SV2C: variants seen among roughly 807,000 people sequenced by gnomAD.
SV2C encodes the protein synaptic vesicle glycoprotein 2C.
Under a neutral mutation model 79.7 loss-of-function variants are expected in SV2C, and 49 were observed. That is an observed-to-expected ratio of 0.61 (90% CI 0.49 to 0.78). The LOEUF is 0.78. Ranked by LOEUF, SV2C falls within the 30% of genes least tolerant of loss-of-function variation. The pLI is 0.00. For synonymous variants in SV2C, 334 were observed against 333.2 expected (o/e 1.00, Z -0.03); for missense variants, 833 against 912.9 (o/e 0.91, Z 1.13).
intron 12 of SV2C, among the ~76,000 whole-genome samples, chr5:76,348,227 C>T (rs1749578840): frequency 6.6e-6 from 1 of 152,078 alleles, no homozygotes; most frequent in Non-Finnish European, 1.5e-5. Context: ...TATAAGGTTC[C>T]TCCATGCATA....
the SV2C span, among the ~76,000 whole-genome samples, chr5:76,054,105 T>G: frequency 6.6e-6 from 1 of 151,918 alleles, no homozygotes; most frequent in Admixed American, 6.6e-5. Flanking sequence ...TTTTAAGCCC[T>G]GCATGTATTA....
chr5:75,908,633 C>T, the SV2C span, among the ~76,000 whole-genome samples: 1 of 152,156 alleles, frequency 6.6e-6, no homozygotes, highest in African/African-American at 2.4e-5. Context: ...TGGCTCAGGG[C>T]TGGTTTGTAA....
the SV2C span, among the ~76,000 whole-genome samples, chr5:75,861,974 G>C: frequency 6.6e-6 from 1 of 152,146 alleles, no homozygotes; most frequent in South Asian, 2.1e-4. Context: ...TAAAATGAAA[G>C]TTGAAGTTAA....
chr5:75,882,231 T>C, the SV2C span, among the ~76,000 whole-genome samples: 3 of 151,682 alleles, frequency 2.0e-5, no homozygotes, highest in Non-Finnish European at 4.4e-5. Context: ...TGCATCAATG[T>C]TCATCGAGGA....
chr5:76,046,897 G>A, the SV2C span, among the ~76,000 whole-genome samples: 2 of 152,152 alleles, frequency 1.3e-5, no homozygotes, highest in African/African-American at 2.4e-5. Context: ...CACCCATTAC[G>A]GAAATTGGGA....
the SV2C span, chr5:75,911,553 T>C: frequency 1.5e-6 from 1 of 664,240 alleles, no homozygotes; most frequent in South Asian, 1.7e-5. Flanking sequence ...CAAGTCCTAG[T>C]ACCTCCCTAG....
At chr5:76,035,326 C>A in the SV2C span, among the ~76,000 whole-genome samples, 766 of 151,538 alleles carry the variant, frequency 5.1e-3, 4 homozygotes, top group African/African-American at 0.017. Context: ...TTCTCTAGTT[C>A]TTTTAATTGT....
intron 2 of SV2C, among the ~76,000 whole-genome samples, chr5:76,171,963 C>G (rs1464937891): frequency 1.5e-4 from 20 of 129,246 alleles, no homozygotes; most frequent in African/African-American, 5.6e-4. Flanking sequence ...GCCTGGCCAG[C>G]CGCCCCGTCC....
chr5:76,304,808 C>T (rs1748129743), intron 12 of SV2C, among the ~76,000 whole-genome samples: 1 of 152,190 alleles, frequency 6.6e-6, no homozygotes, highest in Non-Finnish European at 1.5e-5. Flanking sequence ...GCCCTCATGA[C>T]CTAATCATCT....
chr5:76,295,206 G>C (rs1747704443), intron 8 of SV2C, among the ~76,000 whole-genome samples: 1 of 152,210 alleles, frequency 6.6e-6, no homozygotes, highest in Non-Finnish European at 1.5e-5. Flanking sequence ...GGCAGATTCA[G>C]TGTGCAGTAA....
chr5:76,319,658 G>A (rs948178047), intron 12 of SV2C, among the ~76,000 whole-genome samples: 1 of 152,112 alleles, frequency 6.6e-6, no homozygotes, highest in Admixed American at 6.5e-5. Flanking sequence ...TCAGATACCA[G>A]ATGCTCCTAA....
chr5:76,027,827 T>C, the SV2C span, among the ~76,000 whole-genome samples: 1 of 152,198 alleles, frequency 6.6e-6, no homozygotes, highest in Admixed American at 6.5e-5. Flanking sequence ...CTCTGCATAC[T>C]CTACTCTGTG....
At chr5:76,008,570 G>A in the SV2C span, among the ~76,000 whole-genome samples, 200 of 152,118 alleles carry the variant, frequency 1.3e-3, 3 homozygotes, top group African/African-American at 4.6e-3. Context: ...AATCTTGCTG[G>A]CTTTGCCATA....
At chr5:76,001,810 A>C in the SV2C span, among the ~76,000 whole-genome samples, 6 of 151,966 alleles carry the variant, frequency 3.9e-5, no homozygotes, top group African/African-American at 7.3e-5. Flanking sequence ...TGTTTTTAAA[A>C]ATTTCAGTAG....
At chr5:76,349,905 C>T (rs927713153) in intron 12 of SV2C, among the ~76,000 whole-genome samples, 1 of 152,128 alleles carries the variant, frequency 6.6e-6, no homozygotes, top group African/African-American at 2.4e-5. Flanking sequence ...GTAATAACCC[C>T]AGGTATGCAG....
the SV2C span, among the ~76,000 whole-genome samples, chr5:75,985,068 A>G: frequency 6.6e-6 from 1 of 151,950 alleles, no homozygotes; most frequent in Non-Finnish European, 1.5e-5. Flanking sequence ...AATGTTCAAG[A>G]GTACACAGTT....
At chr5:75,996,692 G>T in the SV2C span, among the ~76,000 whole-genome samples, 258 of 152,044 alleles carry the variant, frequency 1.7e-3, no homozygotes, top group Non-Finnish European at 3.0e-3. Context: ...CTTGAAGAGG[G>T]CCTTCACATC....
the SV2C span, among the ~76,000 whole-genome samples, chr5:75,881,635 G>A: frequency 2.6e-5 from 4 of 152,066 alleles, no homozygotes; most frequent in South Asian, 2.1e-4. Context: ...TGTGATTTTC[G>A]TACGTTGATT....
intron 4 of SV2C, among the ~76,000 whole-genome samples, chr5:76,235,792 TAGC>T (rs1745591994): frequency 6.6e-6 from 1 of 151,072 alleles, no homozygotes; most frequent in African/African-American, 2.5e-5. Context: ...CCTTTCCATT[TAGC>T]TCACACTTAC....
Sources: gnomAD v4.1 joint callset for allele counts (sites outside exome capture counted in the v4.1 genomes callset) on GRCh38, gnomAD v4.1.1 for gene constraint, MANE v1.5 for transcripts, NCBI Gene and HGNC (gene_info 2026-07-23, HGNC 2026-07-21) for gene names.